ALG13: variants seen among roughly 807,000 people sequenced by gnomAD.
ALG13 encodes the protein UDP-N-acetylglucosamine transferase subunit ALG13.
Under a neutral mutation model 87.8 loss-of-function variants are expected in ALG13, and 11 were observed. The ratio of observed to expected loss-of-function variants is 0.13; its 90% confidence interval spans 0.08 to 0.21. ALG13 has a LOEUF of 0.21. Ranked by LOEUF, ALG13 falls within the 10% of genes least tolerant of loss-of-function variation. The pLI is 1.00. For missense variants in ALG13, 756 were observed against 866.1 expected, an observed-to-expected ratio of 0.87 and a Z score of 1.60; for synonymous variants, 320 against 306.3, an observed-to-expected ratio of 1.04 and a Z score of -0.47.
At chrX:111,714,087 C>G (rs912543113) in intron 8 of ALG13, among the ~76,000 whole-genome samples, 1 of 111,331 alleles carries the variant, frequency 9.0e-6, no homozygotes, top group African/African-American at 3.3e-5. Flanking sequence ...TTACGATAAT[C>G]GAGGGTGAAT....
intron 14 of ALG13, among the ~76,000 whole-genome samples, chrX:111,724,530 C>G (rs1941751875): frequency 8.9e-6 from 1 of 112,157 alleles, no homozygotes; most frequent in African/African-American, 3.2e-5. Flanking sequence ...AACAGAGATT[C>G]TATTTTAACA....
At chrX:111,689,678 A>G in intron 3 of ALG13, 3 of 719,375 alleles carry the variant, frequency 4.2e-6, no homozygotes, top group Non-Finnish European at 4.9e-6. Flanking sequence ...CAATTCCATC[A>G]TATTCAGATT....
At chrX:111,688,016 A>G (rs1935400793) in intron 3 of ALG13, 2 of 1,122,110 alleles carry the variant, frequency 1.8e-6, no homozygotes, top group East Asian at 6.8e-5. Flanking sequence ...TAAACTCTCA[A>G]CACTTTAAAA....
chrX:111,711,800 A>G, intron 6 of ALG13, 75 bp downstream of exon 6: 1 of 1,012,106 alleles, frequency 9.9e-7, no homozygotes. Flanking sequence ...ATTCAACTGT[A>G]TTATTTTAGC....
intron 3 of ALG13, among the ~76,000 whole-genome samples, chrX:111,691,170 G>A (rs1002678199): frequency 1.8e-5 from 2 of 110,717 alleles, no homozygotes; most frequent in African/African-American, 6.6e-5. Context: ...GCGTGATCTC[G>A]GCTCAGTGCA....
At chrX:111,721,498 A>G (rs1206999912) in intron 11 of ALG13, 105 bp from the exon 12 acceptor site, 1 of 300,884 alleles carries the variant, frequency 3.3e-6, no homozygotes, top group African/African-American at 3.9e-5. Flanking sequence ...AGAAGGAAGA[A>G]ACTTAATTCT....
Position 111,744,759 on chromosome X carries a change from A to G in ALG13, c.2787A>G (p.Pro929=), listed in dbSNP as rs772431643. The G allele has an allele frequency of 1.7e-4, 143 of 862,739 alleles. No homozygotes were observed. The highest frequency in any genetic ancestry group is 2.1e-4 in the Non-Finnish European group (137 of 656,233). 71.1% of individuals were successfully genotyped at this position (862,739 alleles called of 1,213,427 possible). A position where few individuals can be genotyped will look rare whatever the true frequency, so the allele number is the denominator to read the frequency against. Residue 929 remains proline (P), a synonymous_variant, in exon 24 of 27, where the codon CCA becomes CCG. Coordinates refer to ENST00000394780, the MANE Select transcript of ALG13 (RefSeq NM_001099922.3). ...PPPPPPPPPP[P]PPPPPPPPPP... is the part of the protein sequence containing the mutation. ...CACCACCACCACCACCACCACCACC[A>G]CCACCACCACCTCCTCCTCCTCCTC... is the stretch of plus-strand genomic sequence containing the variant.
intron 25 of ALG13, among the ~76,000 whole-genome samples, chrX:111,756,703 G>T (rs911122305): frequency 8.9e-6 from 1 of 111,894 alleles, no homozygotes; most frequent in South Asian, 3.7e-4. Context: ...TGCTCTCCTG[G>T]ATAATGCTCA....
intron 3 of ALG13, among the ~76,000 whole-genome samples, chrX:111,687,346 A>C (rs1305940817): frequency 8.9e-6 from 1 of 112,716 alleles, no homozygotes; most frequent in Non-Finnish European, 1.9e-5. Flanking sequence ...GGTTTAAATA[A>C]ATTTCCGATG....
intron 8 of ALG13, among the ~76,000 whole-genome samples, chrX:111,717,527 A>G (rs1367559576): frequency 9.9e-6 from 1 of 101,330 alleles, no homozygotes; most frequent in Non-Finnish European, 2.0e-5. Context: ...CAATAACTCA[A>G]TTTCTAAGTG....
chrX:111,754,225 C>T (rs771938150), intron 25 of ALG13, among the ~76,000 whole-genome samples: 1 of 111,552 alleles, frequency 9.0e-6, no homozygotes, highest in South Asian at 3.8e-4. Context: ...ATTCAGCACC[C>T]CTTCATGCTA....
intron 10 of ALG13, 92 bp downstream of exon 10, chrX:111,718,366 G>A: frequency 2.6e-6 from 2 of 775,968 alleles, no homozygotes; most frequent in Middle Eastern, 3.6e-4. Flanking sequence ...AAGCTTATGA[G>A]TTAGGTTACA....
intron 8 of ALG13, among the ~76,000 whole-genome samples, chrX:111,714,626 G>A (rs1179903050): frequency 1.8e-5 from 2 of 110,847 alleles, no homozygotes; most frequent in Non-Finnish European, 3.8e-5. Context: ...TTTTCCCAAC[G>A]TTTTATTATG....
intron 3 of ALG13, among the ~76,000 whole-genome samples, chrX:111,699,072 A>G (rs991733622): frequency 1.3e-4 from 15 of 111,957 alleles, no homozygotes; most frequent in Admixed American, 5.7e-4. Flanking sequence ...GTGAGGTGAT[A>G]ATCTCATGTT....
intron 6 of ALG13, 60 bp from the exon 7 acceptor site, chrX:111,712,424 A>G (rs1939927056): frequency 1.2e-6 from 1 of 863,883 alleles, no homozygotes; most frequent in African/African-American, 2.0e-5. Flanking sequence ...GTTGTGCTTG[A>G]AAAAACTACC....
intron 11 of ALG13, 98 bp downstream of exon 11, chrX:111,720,268 G>A: frequency 4.0e-6 from 2 of 497,816 alleles, no homozygotes; most frequent in Non-Finnish European, 6.2e-6. Flanking sequence ...AGTTATATGG[G>A]TTGAGGGAGG....
At chrX:111,756,878 C>T (rs374722033) in intron 25 of ALG13, among the ~76,000 whole-genome samples, 1 of 111,831 alleles carries the variant, frequency 8.9e-6, no homozygotes, top group Non-Finnish European at 1.9e-5. Flanking sequence ...AATTGATAAA[C>T]CGCTTGCCCC....
chrX:111,690,193 CTATT>C, intron 3 of ALG13: 3 of 752,641 alleles, frequency 4.0e-6, no homozygotes, highest in African/African-American at 2.3e-5. Flanking sequence ...AATGTTTGCT[CTATT>C]TGTTTGGTTT....
intron 3 of ALG13, among the ~76,000 whole-genome samples, chrX:111,705,283 G>C (rs773874931): frequency 9.0e-6 from 1 of 111,470 alleles, no homozygotes; most frequent in Non-Finnish European, 1.9e-5. Context: ...TTATATCTTT[G>C]GTGAAATGTG....
Sources: gnomAD v4.1 joint callset for allele counts (sites outside exome capture counted in the v4.1 genomes callset) on GRCh38, gnomAD v4.1.1 for gene constraint, MANE v1.5 for transcripts, NCBI Gene and HGNC (gene_info 2026-07-23, HGNC 2026-07-21) for gene names.